Variants in RNF144B observed in about 807,000 individuals in gnomAD.
RNF144B encodes ring finger protein 144B.
Under a neutral mutation model 40.2 loss-of-function variants are expected in RNF144B, and 25 were observed. The ratio of observed to expected loss-of-function variants is 0.62; its 90% confidence interval spans 0.45 to 0.87. RNF144B has a LOEUF of 0.87. Among genes scored for constraint, RNF144B ranks in the 40% least tolerant of loss-of-function variants. RNF144B has a pLI of 0.00. For missense variants in RNF144B, 365 were observed against 373.7 expected (o/e 0.98, Z 0.19); for synonymous variants, 145 against 136.3 (o/e 1.06, Z -0.44).
chr6:18,457,231 C>T lies in RNF144B; in HGVS notation c.408C>T (p.Asp136=), dbSNP rs2113534907. ...CQTVCPVASS[D]PGQPVLVECP... Reference sequence around the variant, plus strand: ...CAGTGTGCCCTGTTGCCTCGAGTGACCCAGGACAGCCTGTGCTGGTGGAAT... The same window carrying T: ...CAGTGTGCCCTGTTGCCTCGAGTGATCCAGGACAGCCTGTGCTGGTGGAAT... Residue 136 remains aspartate, a synonymous_variant, in exon 5 of 8, where the codon GAC becomes GAT. Transcript: ENST00000259939. This position sits in a 1 kb window ranked among gnomAD's most constrained non-coding sequence, Gnocchi z 5.1. 6.2e-7 allele frequency: 1 copy of T among 1,613,980 alleles called. No homozygotes were observed. Among genetic ancestry groups the T allele is most frequent in the Non-Finnish European group, 8.5e-7 (1 of 1,179,888 alleles).
At chr6:18,411,462 CATATATATATATATATATATAT>C (rs767477071) in intron 2 of RNF144B, among the ~76,000 whole-genome samples, 1 of 59,364 alleles carries the variant, frequency 1.7e-5, no homozygotes, top group African/African-American at 7.2e-5. Context: ...GTGCATGATT[CATATATATATATATATATATAT>C]ATATATATAT....
chr6:18,428,262 A>G, intron 3 of RNF144B, among the ~76,000 whole-genome samples: 1 of 152,132 alleles, frequency 6.6e-6, no homozygotes, highest in African/African-American at 2.4e-5. Flanking sequence ...GAGTCAATTA[A>G]ATACCCAGTC....
rs2113469291 is a variant in RNF144B, at chr6:18,405,922, A to G, written c.165+6223A>G. 6.6e-6 allele frequency among the ~76,000 whole-genome samples: 1 copy of G among 152,358 alleles called. No individual in the cohort carries two copies. The highest frequency in any genetic ancestry group is 2.1e-4 in the South Asian group (1 of 4,830). On this transcript the variant is annotated intron_variant, in intron 2 of 7. Coordinates refer to ENST00000259939, the MANE Select transcript of RNF144B (RefSeq NM_182757.4). This position sits in a 1 kb window ranked among gnomAD's most constrained non-coding sequence, Gnocchi z 4.5. ...CCTAATGTCTTTGTCATAGCATCAT[A>G]GTCCTAGAATTGTAAGTGACCTTAG...
chr6:18,404,004 A>G (rs1397423484), intron 2 of RNF144B, among the ~76,000 whole-genome samples: 2 of 152,224 alleles, frequency 1.3e-5, no homozygotes, highest in African/African-American at 4.8e-5. Context: ...GAGTGGCACC[A>G]AGCCATTCCC....
At position 18,402,423 on chromosome 6, in the gene RNF144B, T is replaced by A. The variant is rs1241702053; in HGVS notation, c.165+2724T>A. On this transcript the variant is annotated intron_variant, in intron 2 of 7. Transcript: ENST00000259939. Reference sequence around the variant, plus strand: ...TAGAGAGACCTGGCCTTTAAATAGATGCCCCAAGTGTGTTCCACGGACCAC... The same window carrying A: ...TAGAGAGACCTGGCCTTTAAATAGAAGCCCCAAGTGTGTTCCACGGACCAC... Among the ~76,000 whole-genome samples, 2 of 88,518 alleles carry A rather than the reference T, an allele frequency of 2.3e-5. 1 individual carries two copies. The highest frequency in any genetic ancestry group is 6.6e-5 in the African/African-American group (2 of 30,152). The allele number at this position is 88,518 out of a possible 152,430, so 58.1% of individuals were successfully genotyped here.
intron 3 of RNF144B, among the ~76,000 whole-genome samples, chr6:18,439,243 A>G (rs1200980153): frequency 6.6e-6 from 1 of 152,166 alleles, no homozygotes; most frequent in Non-Finnish European, 1.5e-5. Context: ...GACAAATGAC[A>G]TTTGCATAAT....
rs1361393273 is a variant in RNF144B at position 18,457,138 on chromosome 6, CTT to C, written c.332-15_332-14del. ...TGAATCGGGCAGACCATCACATTTT[CTT>C]TCTTTACACTTTAGAAGTTCATCTG... is the stretch of plus-strand genomic sequence containing the variant. On this transcript the variant is annotated splice_polypyrimidine_tract_variant and intron_variant, in intron 4 of 7. Transcript: ENST00000259939. The surrounding 1 kb of genome is among the most constrained non-coding windows in gnomAD (Gnocchi z 5.1). 1 of 1,592,130 alleles carries C rather than the reference CTT, an allele frequency of 6.3e-7. No individual in the cohort carries two copies. Among genetic ancestry groups the C allele is most frequent in the Admixed American group, 1.7e-5 (1 of 59,980 alleles).
At position 18,398,001 on chromosome 6, in the gene RNF144B, C is replaced by T. The variant is rs769020825; in HGVS notation, c.-36-1498C>T. Among the ~76,000 whole-genome samples, 9 of 152,088 alleles carry T rather than the reference C, an allele frequency of 5.9e-5. No homozygotes were observed. Among genetic ancestry groups the T allele is most frequent in the African/African-American group, 2.2e-4 (9 of 41,496 alleles). On this transcript the variant is annotated intron_variant, in intron 1 of 7. Transcript: ENST00000259939. This position sits in a 1 kb window ranked among gnomAD's most constrained non-coding sequence, Gnocchi z 5.0. ...CCAGGTGAGGAAGCATACCCTGACT[C>T]GGGAGGTGGAGTCGGGAGGGTCATG...
chr6:18,412,349 G>A lies in RNF144B; in HGVS notation c.165+12650G>A, dbSNP rs901669197. 3.9e-5 allele frequency among the ~76,000 whole-genome samples: 6 copies of A among 152,066 alleles called. No homozygotes were observed. Among genetic ancestry groups the A allele is most frequent in the Admixed American group, 3.9e-4 (6 of 15,260 alleles). Reference sequence around the variant, plus strand: ...TCCTCTTTTTAGGAGGAAGCAAATTGTTGTAAGAGAAGCTCATCTCATGAA... The same window carrying A: ...TCCTCTTTTTAGGAGGAAGCAAATTATTGTAAGAGAAGCTCATCTCATGAA... On this transcript the variant is annotated intron_variant, in intron 2 of 7. Transcript: ENST00000259939. This position sits in a 1 kb window ranked among gnomAD's most constrained non-coding sequence, Gnocchi z 4.2.
chr6:18,427,643 T>C lies in RNF144B; in HGVS notation c.228T>C (p.Pro76=). Residue 76 remains proline (P), a synonymous_variant, in exon 3 of 8, where the codon CCT becomes CCC. Transcript: ENST00000259939. ...REGCGSPITC[P]DMVCLNHGTL... is the part of the protein sequence containing the mutation. ...GATGTGGGTCTCCCATCACTTGCCC[T>C]GACATGGTGTGCCTAAACCACGGGA... The C allele has an allele frequency of 6.2e-7, 1 of 1,613,752 alleles. No homozygotes were observed. Among genetic ancestry groups the C allele is most frequent in the Non-Finnish European group, 8.5e-7 (1 of 1,179,742 alleles).
intron 2 of RNF144B, among the ~76,000 whole-genome samples, chr6:18,409,390 A>G (rs1473484591): frequency 6.0e-5 from 9 of 150,156 alleles, no homozygotes; most frequent in Admixed American, 6.0e-4. Context: ...AAAAAAAAAA[A>G]AAAAAAAAAA....
chr6:18,440,649 C>G (rs111940191), intron 4 of RNF144B, among the ~76,000 whole-genome samples: 1,740 of 148,338 alleles, frequency 0.012, 19 homozygotes, highest in South Asian at 0.016. Context: ...AAAAATAATT[C>G]TTACAGGAAA....
At chr6:18,394,587 T>A (rs1461593146) in intron 1 of RNF144B, among the ~76,000 whole-genome samples, 3 of 149,518 alleles carry the variant, frequency 2.0e-5, no homozygotes, top group Non-Finnish European at 4.4e-5. Context: ...GACAGAGTGA[T>A]ACTCCGTCCC....
chr6:18,459,776 A>G lies in RNF144B; in HGVS notation c.681+25A>G, dbSNP rs748893670. ...TGTAAGTTCCACCTAGGTTTGTTGT[A>G]TGGTGTTTCCTATACTGTATCTGCA... On this transcript the variant is annotated intron_variant, in intron 6 of 7. Transcript: ENST00000259939. This position sits in a 1 kb window ranked among gnomAD's most constrained non-coding sequence, Gnocchi z 4.2. 1 of 1,611,166 alleles carries G rather than the reference A, an allele frequency of 6.2e-7. No homozygotes were observed. Among genetic ancestry groups the G allele is most frequent in the African/African-American group, 1.3e-5 (1 of 75,006 alleles).
At chr6:18,404,779 G>A (rs1794861726) in intron 2 of RNF144B, among the ~76,000 whole-genome samples, 1 of 152,180 alleles carries the variant, frequency 6.6e-6, no homozygotes, top group East Asian at 1.9e-4. Context: ...AGATTCAGAT[G>A]AAAGGGTGTT....
chr6:18,436,614 C>T (rs570842681), intron 3 of RNF144B, among the ~76,000 whole-genome samples: 8 of 152,078 alleles, frequency 5.3e-5, no homozygotes, highest in South Asian at 4.2e-4. Flanking sequence ...TGGAAATTCT[C>T]GGTTGGCAGA....
Position 18,398,113 on chromosome 6 carries a change from A to G in RNF144B, c.-36-1386A>G, listed in dbSNP as rs1036137755. Among the ~76,000 whole-genome samples the G allele has an allele frequency of 1.2e-4, 18 of 151,044 alleles. No homozygotes were observed. The highest frequency in any genetic ancestry group is 4.6e-4 in the Admixed American group (7 of 15,144). On this transcript the variant is annotated intron_variant, in intron 1 of 7. Transcript: ENST00000259939. The surrounding 1 kb of genome is among the most constrained non-coding windows in gnomAD (Gnocchi z 5.0). Reference sequence around the variant, plus strand: ...AACAGAGAGAGACCCTTTCTCTAGGAAAAAAAAACCCCACAAACAGTAACT... The same window carrying G: ...AACAGAGAGAGACCCTTTCTCTAGGGAAAAAAAACCCCACAAACAGTAACT...
chr6:18,389,768 G>C (rs2113448959), intron 1 of RNF144B, among the ~76,000 whole-genome samples: 1 of 152,280 alleles, frequency 6.6e-6, no homozygotes, highest in East Asian at 1.9e-4. Flanking sequence ...CAAGCTGCCA[G>C]ACAAGTCATG....
chr6:18,412,373 A>C lies in RNF144B; in HGVS notation c.165+12674A>C, dbSNP rs1171895395. On this transcript the variant is annotated intron_variant, in intron 2 of 7. Transcript: ENST00000259939. This position sits in a 1 kb window ranked among gnomAD's most constrained non-coding sequence, Gnocchi z 4.2. Reference sequence around the variant, plus strand: ...TGTTGTAAGAGAAGCTCATCTCATGAATCTATCTTTAAAAAACATACAGTA... The same window carrying C: ...TGTTGTAAGAGAAGCTCATCTCATGCATCTATCTTTAAAAAACATACAGTA... Among the ~76,000 whole-genome samples, 2 of 152,210 alleles carry C rather than the reference A, an allele frequency of 1.3e-5. No individual in the cohort carries two copies. The highest frequency in any genetic ancestry group is 2.9e-5 in the Non-Finnish European group (2 of 68,032).
Sources: gnomAD v4.1 joint callset for allele counts (sites outside exome capture counted in the v4.1 genomes callset) on GRCh38, gnomAD v4.1.1 for gene constraint, Gnocchi (gnomAD v3.1) non-coding constraint, MANE v1.5 for transcripts, NCBI Gene and HGNC (gene_info 2026-07-23, HGNC 2026-07-21) for gene names.